KDM4C: variants seen among roughly 807,000 people sequenced by gnomAD.
KDM4C encodes the protein lysine-specific demethylase 4C.
KDM4C carries 81 observed loss-of-function variants against 129.3 expected under a neutral mutation model. That is an observed-to-expected ratio of 0.63 (90% CI 0.52 to 0.75). The LOEUF is 0.75. KDM4C is among the 30% of genes least tolerant of loss of function. KDM4C has a pLI of 0.00. For missense variants in KDM4C, 1,457 were observed against 1,304.0 expected (o/e 1.12, Z -1.81); for synonymous variants, 573 against 456.1 (o/e 1.26, Z -3.26).
rs139156570 is a variant in KDM4C at position 6,986,395 on chromosome 9, A to G, written c.1406A>G (p.Asp469Gly). The G allele has an allele frequency of 6.4e-4, 1,027 of 1,613,784 alleles. 5 individuals carry two copies. Among genetic ancestry groups the G allele is most frequent in the Admixed American group, 1.8e-4 (11 of 59,986 alleles). The change falls in exon 11 of 22, where the codon GAC becomes GGC. Residue 469 changes from aspartate to glycine, a missense_variant. Physicochemically the swap from Asp to Gly is moderately conservative, Grantham distance 94. Coordinates refer to ENST00000381309, the MANE Select transcript of KDM4C (RefSeq NM_015061.6). ...SVTEDIKTED[D>G]KAYAYRSVPS... ...ACAGAAGACATAAAAACTGAGGATG[A>G]CAAAGCTTATGCATATAGAAGTGTA...
At chr9:6,756,488 G>T (rs1006991692), upstream of KDM4C, among the ~76,000 whole-genome samples, 2 of 152,176 alleles carry the variant, frequency 1.3e-5, no homozygotes, top group Admixed American at 6.5e-5. Flanking sequence ...AGGCCGAGGC[G>T]GGCGGATCAC....
At chr9:6,957,643 T>C (rs1436916550) in intron 8 of KDM4C, among the ~76,000 whole-genome samples, 1 of 152,194 alleles carries the variant, frequency 6.6e-6, no homozygotes, top group Admixed American at 6.5e-5. Context: ...TGATATTTTC[T>C]ATTGGTTGCA....
At position 6,986,635 on chromosome 9, in the gene KDM4C, G is replaced by A. The variant is rs142379218; in HGVS notation, c.1646G>A (p.Ser549Asn). The A allele has an allele frequency of 3.8e-4, 615 of 1,611,078 alleles. 4 individuals carry two copies. The East Asian group carries it at 0.013, about 33-fold the overall frequency. Reference sequence around the variant, plus strand: ...CCTGGGGAAATCCCAGCGGTCCCCAGTGGAGAGAGAAATAGCTTCAAAGTC... The same window carrying A: ...CCTGGGGAAATCCCAGCGGTCCCCAATGGAGAGAGAAATAGCTTCAAAGTC... ...LEPGEIPAVPSGERNSFKVPS... is the reference protein window; with the variant it reads ...LEPGEIPAVPNGERNSFKVPS... The change falls in exon 11 of 22, where the codon AGT becomes AAT. Residue 549 changes from serine (S) to asparagine (N), a missense_variant. Transcript: ENST00000381309.
intron 12 of KDM4C, among the ~76,000 whole-genome samples, chr9:7,006,764 C>T (rs988359449): frequency 6.6e-6 from 1 of 152,120 alleles, no homozygotes; most frequent in East Asian, 1.9e-4. Context: ...CCTTTGTCCT[C>T]GAGTTTTTAA....
At chr9:6,743,247 G>C (rs148972664) in intron 1 of KDM4C, among the ~76,000 whole-genome samples, 1 of 152,252 alleles carries the variant, frequency 6.6e-6, no homozygotes, top group Non-Finnish European at 1.5e-5. Flanking sequence ...TTTTGTCAGT[G>C]GTGGGGGCTT....
chr9:6,975,435 G>T (rs1832755272), intron 8 of KDM4C, among the ~76,000 whole-genome samples: 1 of 152,182 alleles, frequency 6.6e-6, no homozygotes, highest in Admixed American at 6.5e-5. Context: ...TTTTGTTTTG[G>T]AATTTCCACA....
intron 5 of KDM4C, among the ~76,000 whole-genome samples, chr9:6,854,545 A>C (rs1002442000): frequency 2.6e-4 from 38 of 144,944 alleles, no homozygotes; most frequent in Admixed American, 6.1e-4. Flanking sequence ...AAAAAAAAAA[A>C]CAAAAAAAAA....
intron 19 of KDM4C, among the ~76,000 whole-genome samples, chr9:7,161,748 G>T (rs1459195117): frequency 6.6e-6 from 1 of 152,160 alleles, no homozygotes; most frequent in Non-Finnish European, 1.5e-5. Flanking sequence ...ATTAGTGATT[G>T]AAACAATTTT....
chr9:6,954,223 C>A (rs553588216), intron 8 of KDM4C, among the ~76,000 whole-genome samples: 101 of 152,310 alleles, frequency 6.6e-4, no homozygotes, highest in African/African-American at 2.4e-3. Context: ...GCAGGGCTGC[C>A]TTTCCCATGC....
intron 8 of KDM4C, among the ~76,000 whole-genome samples, chr9:6,937,783 C>A (rs1032448312): frequency 6.6e-6 from 1 of 152,124 alleles, no homozygotes; most frequent in Non-Finnish European, 1.5e-5. Flanking sequence ...ATGATCTTGG[C>A]TCATTGCAAC....
intron 5 of KDM4C, among the ~76,000 whole-genome samples, chr9:6,870,664 T>C (rs575109706): frequency 6.6e-6 from 1 of 152,160 alleles, no homozygotes; most frequent in African/African-American, 2.4e-5. Flanking sequence ...TACAAGCTTA[T>C]GCGAGGAATG....
chr9:6,743,788 T>G (rs1298221195), intron 1 of KDM4C, among the ~76,000 whole-genome samples: 2 of 152,158 alleles, frequency 1.3e-5, no homozygotes, highest in East Asian at 3.8e-4. Context: ...ATAACAGGCG[T>G]GAGTCACCAT....
At chr9:7,152,104 A>G (rs1842783386) in intron 19 of KDM4C, among the ~76,000 whole-genome samples, 2 of 152,240 alleles carry the variant, frequency 1.3e-5, no homozygotes, top group Admixed American at 6.5e-5. Flanking sequence ...CACTAGAGAA[A>G]TGAGTCTGAT....
intron 12 of KDM4C, among the ~76,000 whole-genome samples, chr9:6,992,407 A>G (rs1028340890): frequency 1.3e-5 from 2 of 152,216 alleles, no homozygotes; most frequent in Non-Finnish European, 2.9e-5. Context: ...TGTAGAAACG[A>G]TGATTGTAGC....
At chr9:7,039,118 A>G (rs1399765128) in intron 15 of KDM4C, among the ~76,000 whole-genome samples, 5 of 151,936 alleles carry the variant, frequency 3.3e-5, no homozygotes, top group African/African-American at 4.8e-5. Flanking sequence ...ATATTTTCCT[A>G]TATTTTCTTA....
At chr9:6,834,546 TC>T in intron 4 of KDM4C, 1 of 692,056 alleles carries the variant, frequency 1.4e-6, no homozygotes, top group South Asian at 1.5e-5. Flanking sequence ...CCGGCCGTCT[TC>T]CCCTTCATCG....
chr9:6,858,433 C>T (rs7022922), intron 5 of KDM4C, among the ~76,000 whole-genome samples: 30,362 of 151,938 alleles, frequency 0.2, 3,118 homozygotes, highest in East Asian at 0.26. Context: ...TAGGGAAAAA[C>T]CAGAATGTTT....
At chr9:6,947,356 A>G (rs1827157125) in intron 8 of KDM4C, among the ~76,000 whole-genome samples, 1 of 152,132 alleles carries the variant, frequency 6.6e-6, no homozygotes. Context: ...TATGTTTTTA[A>G]AATTCTTTCC....
intron 18 of KDM4C, among the ~76,000 whole-genome samples, chr9:7,126,913 C>T (rs1840080783): frequency 6.6e-6 from 1 of 152,010 alleles, no homozygotes; most frequent in Non-Finnish European, 1.5e-5. Flanking sequence ...CGAAGGGGCT[C>T]TTATTGGTCA....
Sources: allele counts gnomAD v4.1 joint callset (sites outside exome capture counted in the v4.1 genomes callset), GRCh38; gene constraint gnomAD v4.1.1; transcripts MANE v1.5; gene names NCBI Gene and HGNC (gene_info 2026-07-23, HGNC 2026-07-21).